The following CORO7 variants were observed in gnomAD, a reference collection of about 807,000 sequenced individuals.
The protein encoded by CORO7 is coronin-7.
A neutral mutation model predicts 126.6 loss-of-function variants in CORO7; 107 were observed. The observed-to-expected ratio is 0.85, with a 90% CI of 0.72 to 0.99. The LOEUF (loss-of-function observed/expected upper bound fraction) is 0.99. CORO7 is among the 50% of genes least tolerant of loss of function. The pLI, the probability that CORO7 is intolerant of heterozygous loss-of-function variation, is 0.00. For missense variants in CORO7, 1,314 were observed against 1,255.8 expected, an observed-to-expected ratio of 1.05 and a Z score of -0.70; for synonymous variants, 603 against 536.8, an observed-to-expected ratio of 1.12 and a Z score of -1.70.
Position 4,413,339 on chromosome 16 carries a change from G to A in CORO7, c.126C>T (p.Cys42=), listed in dbSNP as rs1215243126. 6.3e-7 allele frequency: 1 copy of A among 1,585,930 alleles called. No individual in the cohort carries two copies. The highest frequency in any genetic ancestry group is 8.6e-7 in the Non-Finnish European group (1 of 1,165,050). ...GGTCGGAGTTGAAGGCGATCAAGCT[G>A]CAGCTTGATTTGATGTGGTTCCTGC... is the stretch of plus-strand genomic sequence containing the variant. ...PSCRNHIKSS[C]SLIAFNSDRP... The change falls in exon 2 of 28, where the codon TGC becomes TGT. Residue 42 remains cysteine, a synonymous_variant. Coordinates refer to ENST00000251166, the MANE Select transcript of CORO7 (RefSeq NM_024535.5).
intron 2 of CORO7, chr16:4,412,724 C>T (rs577062263): frequency 3.1e-5 from 13 of 420,966 alleles, no homozygotes; most frequent in Non-Finnish European, 4.7e-5. Flanking sequence ...TTGCAGCTAC[C>T]GTCAGCCACT....
Position 4,354,993 on chromosome 16 carries a change from G to A in CORO7, c.*165C>T, listed in dbSNP as rs1372388355. The A allele has an allele frequency of 7.4e-6, 5 of 671,690 alleles. No individual in the cohort carries two copies. Among genetic ancestry groups the A allele is most frequent in the Non-Finnish European group, 1.2e-5 (5 of 431,262 alleles). The allele number at this position is 671,690 out of a possible 1,614,324, so 41.6% of individuals were successfully genotyped here. ...ACAGCAGAGGTGAAAACAGTCCCTG[G>A]GAACTGCCAGAGGCCCAGAGGATGT... On this transcript the variant is annotated 3_prime_UTR_variant, in exon 28 of 28. Coordinates refer to ENST00000251166, the MANE Select transcript of CORO7 (RefSeq NM_024535.5).
chr16:4,410,680 G>A (rs1340584773), intron 3 of CORO7, among the ~76,000 whole-genome samples: 1 of 152,186 alleles, frequency 6.6e-6, no homozygotes, highest in Non-Finnish European at 1.5e-5. Flanking sequence ...TGTATTGTGC[G>A]ATTCCATTTG....
chr16:4,381,923 G>A, intron 9 of CORO7: 1 of 1,606,334 alleles, frequency 6.2e-7, no homozygotes. Flanking sequence ...GACTTTGGCT[G>A]CCCAGCCACC....
intron 6 of CORO7, chr16:4,397,240 C>T (rs933134581): frequency 1.3e-5 from 2 of 151,284 alleles, no homozygotes; most frequent in African/African-American, 2.4e-5. Flanking sequence ...GTCAGGAGTT[C>T]GAGACCAGTC....
Position 4,359,383 on chromosome 16 carries a change from G to A in CORO7, c.2253C>T (p.Gly751=), listed in dbSNP as rs547483612. The A allele has an allele frequency of 6.8e-6, 11 of 1,613,556 alleles. No individual in the cohort carries two copies. The South Asian group carries it at 8.8e-5, about 13-fold the overall frequency. ...GCTCGTACAGGAATACACGGGTGTC[G>A]CCCTGCGGGGAAGAAGGCAGGCTGG... is the stretch of plus-strand genomic sequence containing the variant. ...DTGLVLLTGK[G]DTRVFLYELL... is the part of the protein sequence containing the mutation. Residue 751 remains glycine (G), a splice_region_variant and synonymous_variant, in exon 23 of 28, where the codon GGC becomes GGT. Coordinates refer to ENST00000251166, the MANE Select transcript of CORO7 (RefSeq NM_024535.5).
chr16:4,374,535 G>C (rs1350731237), intron 9 of CORO7, among the ~76,000 whole-genome samples: 1 of 152,150 alleles, frequency 6.6e-6, no homozygotes, highest in Non-Finnish European at 1.5e-5. Flanking sequence ...AGGGAGGAGG[G>C]AGCCGGCCTA....
At chr16:4,378,190 T>G (rs1567268790) in intron 9 of CORO7, among the ~76,000 whole-genome samples, 1 of 152,160 alleles carries the variant, frequency 6.6e-6, no homozygotes, top group Non-Finnish European at 1.5e-5. Flanking sequence ...GTGTCCCAGA[T>G]ACTCAGATGA....
At chr16:4,361,959 C>T in intron 16 of CORO7, 26 bp downstream of exon 16, 2 of 1,581,328 alleles carry the variant, frequency 1.3e-6, no homozygotes, top group South Asian at 2.3e-5. Flanking sequence ...AACTGAGGGG[C>T]AGCCCTGGTG....
intron 25 of CORO7, 199 bp downstream of exon 25, chr16:4,357,769 G>A: frequency 2.3e-6 from 2 of 873,102 alleles, no homozygotes; most frequent in African/African-American, 3.4e-5. Context: ...GTGTGTGTTA[G>A]GGGTGGGGAC....
chr16:4,361,349 C>A lies in CORO7; in HGVS notation c.1687+12G>T, dbSNP rs1437715298. ...GGACCCTCCCTCAAGCCCAGGCACC[C>A]AGCCTCCTTACCCACAGCGAGGCGA... On this transcript the variant is annotated intron_variant, in intron 17 of 27. Transcript: ENST00000251166. 6.2e-7 allele frequency: 1 copy of A among 1,611,730 alleles called. No individual in the cohort carries two copies. Among genetic ancestry groups the A allele is most frequent in the Non-Finnish European group, 8.5e-7 (1 of 1,179,218 alleles).
Position 4,362,651 on chromosome 16 carries a change from C to G in CORO7, c.1363G>C (p.Gly455Arg). 1 of 1,553,464 alleles carries G rather than the reference C, an allele frequency of 6.4e-7. No homozygotes were observed. The stretch of plus-strand genomic sequence containing the variant: ...AGCGACCTCAAACTGGGGCTGGTCC[C>G]GATGCCACTGGTGCTGGAGAGTGAG... ...GPSLSSTSGI[G>R]TSPSLRSLQS... The change falls in exon 15 of 28, where the codon GGG becomes CGG. Residue 455 changes from glycine (G) to arginine (R), a missense_variant. Gly to Arg is a moderately radical substitution (Grantham distance 125). Transcript: ENST00000251166. The surrounding 1 kb of genome is among the most constrained non-coding windows in gnomAD (Gnocchi z 5.3).
chr16:4,377,236 C>T (rs992028238), intron 9 of CORO7, among the ~76,000 whole-genome samples: 3 of 152,038 alleles, frequency 2.0e-5, no homozygotes. Context: ...TCCCCGAATC[C>T]CAGGAATCCC....
chr16:4,397,022 AAAAAAAAAGAAAG>A (rs1438768295), intron 6 of CORO7, among the ~76,000 whole-genome samples: 1 of 150,862 alleles, frequency 6.6e-6, no homozygotes, highest in Non-Finnish European at 1.5e-5. Context: ...TCTCAAAAAA[AAAAAAAAAGAAAG>A]AAAGAAAGAA....
At chr16:4,382,429 G>T (rs201568220) in intron 9 of CORO7, 2 of 1,610,966 alleles carry the variant, frequency 1.2e-6, no homozygotes, top group Admixed American at 3.3e-5. Flanking sequence ...TGCCTCGCTC[G>T]CTGAGTACAC....
In CORO7 at chr16:4,360,101, A is replaced by G. The variant is rs1398686764; in HGVS notation, c.2108+177T>C. Among the ~76,000 whole-genome samples, 3 of 148,960 alleles carry G rather than the reference A, an allele frequency of 2.0e-5. No homozygotes were observed. In the Admixed American group the frequency reaches 2.0e-4, roughly 10 times the overall value. On this transcript the variant is annotated intron_variant, in intron 21 of 27. Coordinates refer to ENST00000251166, the MANE Select transcript of CORO7 (RefSeq NM_024535.5). Reference sequence around the variant, plus strand: ...CATTCATTCATCCACCCATCCATCCATTCACCCACCTATCCATCCACCCAT... The same window carrying G: ...CATTCATTCATCCACCCATCCATCCGTTCACCCACCTATCCATCCACCCAT...
At chr16:4,367,890 T>G (rs1372759006) in intron 9 of CORO7, among the ~76,000 whole-genome samples, 1 of 151,680 alleles carries the variant, frequency 6.6e-6, no homozygotes, top group Non-Finnish European at 1.5e-5. Context: ...AAGGTGACGG[T>G]GCGTTTCAAG....
At chr16:4,393,425 A>G (rs991503874) in intron 7 of CORO7, among the ~76,000 whole-genome samples, 4 of 152,244 alleles carry the variant, frequency 2.6e-5, no homozygotes, top group Non-Finnish European at 4.4e-5. Flanking sequence ...ACCAGCAAGT[A>G]CGACCAGGGT....
At chr16:4,401,500 T>G (rs779792522) in intron 6 of CORO7, among the ~76,000 whole-genome samples, 4 of 152,184 alleles carry the variant, frequency 2.6e-5, no homozygotes, top group Non-Finnish European at 5.9e-5. Flanking sequence ...GTCCAGGGAC[T>G]GGCTCTTAAA....
Sources: gnomAD v4.1 joint callset for allele counts (sites outside exome capture counted in the v4.1 genomes callset) on GRCh38, gnomAD v4.1.1 for gene constraint, Gnocchi (gnomAD v3.1) non-coding constraint, MANE v1.5 for transcripts, NCBI Gene and HGNC (gene_info 2026-07-23, HGNC 2026-07-21) for gene names.